Variants in DPP6 observed in about 807,000 individuals in gnomAD.
DPP6 encodes dipeptidyl peptidase like 6.
DPP6 carries 69 observed loss-of-function variants against 122.6 expected under a neutral mutation model. The ratio of observed to expected loss-of-function variants is 0.56; its 90% CI spans 0.46 to 0.69. The LOEUF is 0.69. Ranked by LOEUF, DPP6 falls within the 30% of genes least tolerant of loss-of-function variation. DPP6 has a pLI of 0.00. For missense variants in DPP6, 928 were observed against 1,116.9 expected (o/e 0.83, Z 2.41); for synonymous variants, 418 against 433.1 (o/e 0.97, Z 0.43).
intron 7 of DPP6, among the ~76,000 whole-genome samples, chr7:154,692,322 A>ACC (rs1839975417): frequency 6.6e-6 from 1 of 152,222 alleles, no homozygotes; most frequent in Admixed American, 6.5e-5. Flanking sequence ...AGGAAGATTA[A>ACC]GATACTTATT....
intron 1 of DPP6, among the ~76,000 whole-genome samples, chr7:154,438,331 G>T (rs372949534): frequency 1.3e-5 from 2 of 151,576 alleles, no homozygotes; most frequent in South Asian, 2.1e-4. Context: ...TTAGCCGGGC[G>T]TGGTGGCGGG....
chr7:154,255,442 G>A lies in DPP6; in HGVS notation c.244-190772G>A, dbSNP rs1054758678. On this transcript the variant is annotated intron_variant, in intron 1 of 25. Coordinates refer to ENST00000377770, the MANE Select transcript of DPP6 (RefSeq NM_130797.4). ...GCGCCAGTGAAATGTGAAATTTGGA[G>A]AGGCTGAGCCACTCCCAGCACTGGG... is the stretch of plus-strand genomic sequence containing the variant. Among the ~76,000 whole-genome samples the A allele has an allele frequency of 2.0e-5, 3 of 152,308 alleles. No homozygotes were observed. In the South Asian group the frequency reaches 6.2e-4, roughly 32 times the overall value.
At chr7:154,311,541 GT>G (rs1806890849) in intron 1 of DPP6, among the ~76,000 whole-genome samples, 1 of 152,024 alleles carries the variant, frequency 6.6e-6, no homozygotes, top group African/African-American at 2.4e-5. Flanking sequence ...TGGGTGGGAT[GT>G]AAATTGCAAT....
intron 16 of DPP6, among the ~76,000 whole-genome samples, chr7:154,820,474 A>G (rs970200386): frequency 7.9e-5 from 12 of 152,338 alleles, no homozygotes; most frequent in African/African-American, 2.9e-4. Context: ...CAAATACCCC[A>G]GTTGCCCCCA....
intron 1 of DPP6, chr7:154,057,917 A>G (rs1447469871): frequency 6.6e-6 from 1 of 151,072 alleles, no homozygotes; most frequent in Non-Finnish European, 1.5e-5. Flanking sequence ...GGGTTGCTAA[A>G]GAATGGCCCC....
intron 4 of DPP6, among the ~76,000 whole-genome samples, chr7:154,555,627 TAAAA>T (rs998487163): frequency 3.3e-5 from 5 of 151,556 alleles, no homozygotes; most frequent in African/African-American, 1.2e-4. Context: ...AATAATAAAA[TAAAA>T]TTTAAAAAAA....
At chr7:154,539,826 TC>T (rs1828574021) in intron 3 of DPP6, among the ~76,000 whole-genome samples, 1 of 152,208 alleles carries the variant, frequency 6.6e-6, no homozygotes, top group Non-Finnish European at 1.5e-5. Context: ...CCTATTTTTT[TC>T]TGTTGGAGTG....
At chr7:154,686,530 T>C (rs1337849125) in intron 7 of DPP6, among the ~76,000 whole-genome samples, 1 of 152,050 alleles carries the variant, frequency 6.6e-6, no homozygotes, top group East Asian at 1.9e-4. Context: ...GAATGAAACA[T>C]TGACCTAACT....
the DPP6 span, among the ~76,000 whole-genome samples, chr7:153,780,924 G>C: frequency 6.6e-6 from 1 of 152,070 alleles, no homozygotes; most frequent in African/African-American, 2.4e-5. Flanking sequence ...GTAACTTTCT[G>C]TTTGGAGAAA....
At chr7:154,490,482 C>T (rs113271069) in intron 3 of DPP6, among the ~76,000 whole-genome samples, 2,269 of 152,262 alleles carry the variant, frequency 0.015, 46 homozygotes, top group African/African-American at 0.05. Context: ...CCCGTGGCTG[C>T]CTGGGGCTCT....
chr7:153,956,997 C>A (rs1249483658), intron 1 of DPP6, among the ~76,000 whole-genome samples: 1 of 151,916 alleles, frequency 6.6e-6, no homozygotes, highest in Non-Finnish European at 1.5e-5. Flanking sequence ...TAAATTCTGA[C>A]TAATAATAAG....
At chr7:154,424,037 T>G (rs1491842) in intron 1 of DPP6, among the ~76,000 whole-genome samples, 9,675 of 152,178 alleles carry the variant, frequency 0.064, 526 homozygotes, top group East Asian at 0.15. Context: ...TATATGAAAA[T>G]TTTTTGACTC....
chr7:153,890,355 T>C (rs1016746203), intron 1 of DPP6, among the ~76,000 whole-genome samples: 3 of 152,234 alleles, frequency 2.0e-5, no homozygotes, highest in African/African-American at 7.2e-5. Context: ...CAGCCATGCC[T>C]GTAAACTGCT....
rs185198335 is a variant in DPP6 at position 154,063,929 on chromosome 7, G to C, written c.243+10866G>C. Reference sequence around the variant, plus strand: ...ACTCCTGAGTCTCGGGAAGCCTCCAGGGACAGAGCACAGCTAGAGCATCCA... The same window carrying C: ...ACTCCTGAGTCTCGGGAAGCCTCCACGGACAGAGCACAGCTAGAGCATCCA... On this transcript the variant is annotated intron_variant, in intron 1 of 25. Transcript: ENST00000377770. Among the ~76,000 whole-genome samples the C allele has an allele frequency of 7.0e-3, 1,065 of 151,872 alleles. 14 individuals are homozygous for C. Among genetic ancestry groups the C allele is most frequent in the African/African-American group, 0.024 (974 of 41,396 alleles).
intron 1 of DPP6, among the ~76,000 whole-genome samples, chr7:154,397,210 G>A (rs1009112368): frequency 6.6e-6 from 1 of 150,762 alleles, no homozygotes; most frequent in Non-Finnish European, 1.5e-5. Context: ...TCAAAATGAA[G>A]GCACTTCTGA....
chr7:153,824,148 G>A, the DPP6 span, among the ~76,000 whole-genome samples: 3 of 152,138 alleles, frequency 2.0e-5, no homozygotes, highest in Non-Finnish European at 2.9e-5. Flanking sequence ...CGGCACTTTG[G>A]GAGGCCTAGG....
chr7:154,040,725 A>G lies in DPP6; in HGVS notation c.51+152991A>G, dbSNP rs372047638. Reference sequence around the variant, plus strand: ...ATTTTTTCCCACATATTCTGTGTACAGAATTCTATATATGTTCCTAGGGGC... The same window carrying G: ...ATTTTTTCCCACATATTCTGTGTACGGAATTCTATATATGTTCCTAGGGGC... On this transcript the variant is annotated intron_variant, in intron 1 of 25. Transcript: ENST00000404039. Among the ~76,000 whole-genome samples, 48 of 152,346 alleles carry G rather than the reference A, an allele frequency of 3.2e-4. No individual in the cohort carries two copies. In the South Asian group the frequency reaches 9.5e-3, roughly 30 times the overall value.
At chr7:154,059,232 C>T (rs924149959) in intron 1 of DPP6, 2 of 149,486 alleles carry the variant, frequency 1.3e-5, no homozygotes, top group African/African-American at 5.1e-5. Context: ...GAGAGCCTGC[C>T]CCTGTTCCCC....
Position 154,190,159 on chromosome 7 carries a change from A to G in DPP6, c.243+137096A>G, listed in dbSNP as rs544329628. 2.6e-5 allele frequency among the ~76,000 whole-genome samples: 4 copies of G among 152,344 alleles called. No individual in the cohort carries two copies. The East Asian group carries it at 5.8e-4, about 22-fold the overall frequency. On this transcript the variant is annotated intron_variant, in intron 1 of 25. Coordinates refer to ENST00000377770, the MANE Select transcript of DPP6 (RefSeq NM_130797.4). Reference sequence around the variant, plus strand: ...CCTCTTTCCAGAATTTGCAAAATCAATATAACTTGGGCTTTCACTGATATA... The same window carrying G: ...CCTCTTTCCAGAATTTGCAAAATCAGTATAACTTGGGCTTTCACTGATATA...
Sources: allele counts gnomAD v4.1 joint callset (sites outside exome capture counted in the v4.1 genomes callset), GRCh38; gene constraint gnomAD v4.1.1; transcripts MANE v1.5; gene names NCBI Gene and HGNC (gene_info 2026-07-23, HGNC 2026-07-21).